SETD5: variants seen among roughly 807,000 people sequenced by gnomAD.
The protein encoded by SETD5 is histone-lysine N-methyltransferase SETD5.
A neutral mutation model predicts 153.3 loss-of-function variants in SETD5; 44 were observed. That is an observed-to-expected ratio of 0.29 (90% CI 0.23 to 0.37). The LOEUF (loss-of-function observed/expected upper bound fraction) is 0.37. SETD5 is among the 10% of genes least tolerant of loss of function. The probability of loss-of-function intolerance (pLI) is 1.00; values close to 1 mark genes in which losing one functional copy is unlikely to be tolerated. For synonymous variants in SETD5, 716 were observed against 645.2 expected (o/e 1.11, Z -1.66); for missense variants, 1,544 against 1,768.0 (o/e 0.87, Z 2.27).
rs375298602 is a variant in SETD5, at chr3:9,455,948, T to G, written c.2476+2080T>G. Among the ~76,000 whole-genome samples the G allele has an allele frequency of 3.9e-5, 6 of 152,238 alleles. No homozygotes were observed. In the East Asian group the frequency reaches 1.2e-3, roughly 29 times the overall value. ...GACACACCTTGCCCTTAAAAAGCAA[T>G]GTAGGAAAATATTTGATTTTAAAAA... is the stretch of plus-strand genomic sequence containing the variant. On this transcript the variant is annotated intron_variant, in intron 17 of 22. Coordinates refer to ENST00000402198, the MANE Select transcript of SETD5 (RefSeq NM_001080517.3).
At chr3:9,468,555 C>T in intron 18 of SETD5, 1 of 1,304,300 alleles carries the variant, frequency 7.7e-7, no homozygotes, top group Non-Finnish European at 1.0e-6. Context: ...TGCGCATAGG[C>T]CCGAGTCCCT....
intron 17 of SETD5, among the ~76,000 whole-genome samples, chr3:9,455,172 T>TTTC (rs2043088104): frequency 8.0e-6 from 1 of 124,422 alleles, no homozygotes; most frequent in East Asian, 2.0e-4. Flanking sequence ...TTTTTTCTTT[T>TTTC]TTTTTTTTTT....
chr3:9,423,612 T>C (rs2038738138), intron 1 of SETD5, among the ~76,000 whole-genome samples: 1 of 152,250 alleles, frequency 6.6e-6, no homozygotes, highest in African/African-American at 2.4e-5. Flanking sequence ...TTTATTTCTC[T>C]AATTCTGGGT....
chr3:9,446,066 T>A (rs1400614536), intron 13 of SETD5, among the ~76,000 whole-genome samples: 1 of 148,404 alleles, frequency 6.7e-6, no homozygotes, highest in African/African-American at 2.5e-5. Flanking sequence ...GGTGGGCGGA[T>A]CACGAGGTCA....
At chr3:9,402,183 C>T (rs935602518) in intron 1 of SETD5, among the ~76,000 whole-genome samples, 1 of 152,002 alleles carries the variant, frequency 6.6e-6, no homozygotes, top group African/African-American at 2.4e-5. Context: ...TTATGAATTG[C>T]GTAAAAGATA....
At chr3:9,474,755 T>A in intron 21 of SETD5, 173 bp downstream of exon 21, 1 of 847,286 alleles carries the variant, frequency 1.2e-6, no homozygotes, top group South Asian at 1.8e-5. Context: ...TTGTAAGATC[T>A]AGCATTGCTT....
At chr3:9,474,354 A>G in intron 20 of SETD5, 95 bp from the exon 21 acceptor site, 1 of 1,375,124 alleles carries the variant, frequency 7.3e-7, no homozygotes, top group Non-Finnish European at 9.9e-7. Context: ...AATGTTTAAG[A>G]GGATGTTTTA....
rs1475745081 is a variant in SETD5 at position 9,436,798 on chromosome 3, C to T, written c.567+892C>T. 4.0e-6 allele frequency: 6 copies of T among 1,505,548 alleles called. No individual in the cohort carries two copies. In the Admixed American group the frequency reaches 1.2e-4, roughly 30 times the overall value. The allele number at this position is 1,505,548 out of a possible 1,614,324, so 93.3% of individuals were successfully genotyped here. A position where few individuals can be genotyped will look rare whatever the true frequency, so the allele number is the denominator to read the frequency against. ...TTTAGTCTCAGATAGGTATAACTGT[C>T]ATTCTTGGTACCAAGTTTTGTTTGT... On this transcript the variant is annotated intron_variant, in intron 7 of 22. Coordinates refer to ENST00000402198, the MANE Select transcript of SETD5 (RefSeq NM_001080517.3).
chr3:9,456,055 CTT>C (rs1490281569), intron 17 of SETD5, among the ~76,000 whole-genome samples: 2 of 151,932 alleles, frequency 1.3e-5, no homozygotes, highest in Non-Finnish European at 2.9e-5. Context: ...TGTTGGCTCT[CTT>C]TTGTTTTTTT....
intron 11 of SETD5, among the ~76,000 whole-genome samples, 155 bp from the exon 12 acceptor site, chr3:9,444,893 A>G (rs559045252): frequency 6.6e-6 from 1 of 152,200 alleles, no homozygotes; most frequent in African/African-American, 2.4e-5. Context: ...AAGAAAAACA[A>G]AAGTATTTAT....
chr3:9,455,081 C>T (rs570607690), intron 17 of SETD5, among the ~76,000 whole-genome samples: 1 of 150,414 alleles, frequency 6.6e-6, no homozygotes, highest in Non-Finnish European at 1.5e-5. Context: ...AAAATCAGAA[C>T]TTTTCTTAAA....
intron 9 of SETD5, 96 bp downstream of exon 9, chr3:9,441,837 A>G: frequency 6.7e-7 from 1 of 1,490,752 alleles, no homozygotes; most frequent in Non-Finnish European, 9.3e-7. Flanking sequence ...CGCTCTTGGG[A>G]GAAAAAAATC....
At chr3:9,421,569 C>T (rs891193494) in intron 1 of SETD5, among the ~76,000 whole-genome samples, 1 of 152,168 alleles carries the variant, frequency 6.6e-6, no homozygotes, top group African/African-American at 2.4e-5. Flanking sequence ...TATAATGCAG[C>T]TGCCACATTC....
chr3:9,406,910 T>C lies in SETD5; in HGVS notation c.-177+8933T>C, dbSNP rs568487178. ...CCTTTAAAAACAAAGTGACATAAAATATTCACAGATAAATCAGGTAGTCAC... is the reference window on the plus strand; with the variant it reads ...CCTTTAAAAACAAAGTGACATAAAACATTCACAGATAAATCAGGTAGTCAC... On this transcript the variant is annotated intron_variant, in intron 1 of 22. Transcript: ENST00000402198. Among the ~76,000 whole-genome samples, 10 of 152,328 alleles carry C rather than the reference T, an allele frequency of 6.6e-5. No homozygotes were observed. The South Asian group carries it at 1.4e-3, about 22-fold the overall frequency.
intron 3 of SETD5, chr3:9,433,439 T>C (rs561723741): frequency 8.5e-6 from 11 of 1,289,994 alleles, no homozygotes; most frequent in Middle Eastern, 4.3e-4. Context: ...ACTTTGATCA[T>C]CTCACTCACT....
chr3:9,471,708 A>G (rs904519721), intron 19 of SETD5, among the ~76,000 whole-genome samples: 1 of 152,196 alleles, frequency 6.6e-6, no homozygotes, highest in African/African-American at 2.4e-5. Context: ...ATGCTTTTGT[A>G]TAAGTGGTTC....
chr3:9,422,981 A>G (rs1307260157), intron 1 of SETD5, among the ~76,000 whole-genome samples: 1 of 152,216 alleles, frequency 6.6e-6, no homozygotes, highest in Non-Finnish European at 1.5e-5. Context: ...TCCTCTTCAC[A>G]GGATTACTGA....
In SETD5 at chr3:9,431,742, C is replaced by T. The variant is rs929672027; in HGVS notation, c.72-2103C>T. The T allele has an allele frequency of 1.9e-5, 19 of 984,700 alleles. No individual in the cohort carries two copies. In the Admixed American group the frequency reaches 9.9e-4, roughly 51 times the overall value. 61.0% of individuals were successfully genotyped at this position (984,700 alleles called of 1,614,324 possible). ...TGAAGTGCATATGTTCATATTTACC[C>T]GTTTGGAGATGGGTAAGATACAACC... On this transcript the variant is annotated intron_variant, in intron 3 of 22. Coordinates refer to ENST00000402198, the MANE Select transcript of SETD5 (RefSeq NM_001080517.3).
At chr3:9,462,582 G>A (rs1194523163) in intron 17 of SETD5, among the ~76,000 whole-genome samples, 8 of 127,532 alleles carry the variant, frequency 6.3e-5, no homozygotes, top group Non-Finnish European at 9.9e-5. Flanking sequence ...GCAAGAGTCC[G>A]TCTCAAAAAA....
Sources: allele counts gnomAD v4.1 joint callset (sites outside exome capture counted in the v4.1 genomes callset), GRCh38; gene constraint gnomAD v4.1.1; transcripts MANE v1.5; gene names NCBI Gene and HGNC (gene_info 2026-07-23, HGNC 2026-07-21).